The following FOCAD variants were observed in gnomAD, a reference collection of about 807,000 sequenced individuals.
FOCAD encodes focadhesin, also known as KIAA1797.
A neutral mutation model predicts 225.6 loss-of-function variants in FOCAD; 198 were observed. The ratio of observed to expected loss-of-function variants is 0.88; its 90% CI spans 0.78 to 0.99. The LOEUF (loss-of-function observed/expected upper bound fraction) is 0.99. FOCAD is among the 50% of genes least tolerant of loss of function. FOCAD has a pLI of 0.00. For missense variants in FOCAD, 2,713 were observed against 2,123.6 expected (o/e 1.28, Z -5.46); for synonymous variants, 897 against 755.0 (o/e 1.19, Z -3.08).
At chr9:20,887,982 A>G (rs1831248692) in intron 21 of FOCAD, among the ~76,000 whole-genome samples, 1 of 151,222 alleles carries the variant, frequency 6.6e-6, no homozygotes, top group Admixed American at 6.6e-5. Context: ...TTTTGTATGT[A>G]TCTGTTTTCT....
chr9:20,812,282 T>C lies in FOCAD; in HGVS notation c.1456-7514T>C, dbSNP rs979084231. On this transcript the variant is annotated intron_variant, in intron 11 of 43. Coordinates refer to ENST00000338382, the MANE Select transcript of FOCAD (RefSeq NM_001375567.1). The stretch of plus-strand genomic sequence containing the variant: ...TACTAATTTATTACTATATATCTCA[T>C]ATAGTAATAAAGTATGAGCTATCAT... Among the ~76,000 whole-genome samples, 4 of 152,154 alleles carry C rather than the reference T, an allele frequency of 2.6e-5. No homozygotes were observed. The East Asian group carries it at 7.7e-4, about 29-fold the overall frequency.
At chr9:20,864,158 G>T (rs1829031012) in intron 16 of FOCAD, among the ~76,000 whole-genome samples, 2 of 152,046 alleles carry the variant, frequency 1.3e-5, no homozygotes, top group Admixed American at 1.3e-4. Context: ...TCATCTGTGT[G>T]TGTTTAGATA....
At chr9:20,831,915 T>C (rs1207160740) in intron 15 of FOCAD, among the ~76,000 whole-genome samples, 8 of 152,106 alleles carry the variant, frequency 5.3e-5, no homozygotes, top group Admixed American at 5.2e-4. Context: ...TGCATAGATA[T>C]ACCTATTCTG....
intron 6 of FOCAD, among the ~76,000 whole-genome samples, chr9:20,763,286 A>G (rs1301296406): frequency 1.3e-5 from 2 of 152,202 alleles, no homozygotes; most frequent in African/African-American, 2.4e-5. Flanking sequence ...TTTGGTTTAT[A>G]GTCTGGCAGG....
At chr9:20,719,603 C>T (rs755708693) in intron 3 of FOCAD, among the ~76,000 whole-genome samples, 6 of 151,682 alleles carry the variant, frequency 4.0e-5, no homozygotes, top group Non-Finnish European at 7.4e-5. Flanking sequence ...TTTGGTGGTC[C>T]TGGATTCCTG....
At chr9:20,788,799 G>C (rs569772654) in intron 10 of FOCAD, among the ~76,000 whole-genome samples, 4 of 152,134 alleles carry the variant, frequency 2.6e-5, no homozygotes, top group South Asian at 2.1e-4. Flanking sequence ...TATTGTTTCA[G>C]CTTAGAGCTG....
intron 23 of FOCAD, among the ~76,000 whole-genome samples, 180 bp from the exon 24 acceptor site, chr9:20,916,713 A>G (rs537142198): frequency 6.6e-6 from 1 of 152,210 alleles, no homozygotes; most frequent in African/African-American, 2.4e-5. Context: ...GAACAGGAAG[A>G]TGAAGCTATC....
intron 8 of FOCAD, among the ~76,000 whole-genome samples, chr9:20,774,421 A>G (rs756895559): frequency 2.6e-4 from 39 of 152,152 alleles, no homozygotes; most frequent in Non-Finnish European, 4.6e-4. Context: ...CAGAGTGGTA[A>G]TGTTCTAATC....
In FOCAD at chr9:20,948,835, G is replaced by C; in HGVS notation, c.3799-16G>C. The stretch of plus-strand genomic sequence containing the variant: ...GACTGATTCCCTCTTTTCATATTCT[G>C]ATGCTTTGTTTTCAGGGCACTCCCA... On this transcript the variant is annotated splice_polypyrimidine_tract_variant and intron_variant, in intron 31 of 43. Transcript: ENST00000338382. 2 of 1,612,898 alleles carry C rather than the reference G, an allele frequency of 1.2e-6. No homozygotes were observed. Among genetic ancestry groups the C allele is most frequent in the Non-Finnish European group, 1.7e-6 (2 of 1,179,160 alleles).
At chr9:20,956,542 T>G (rs1789331402) in intron 35 of FOCAD, among the ~76,000 whole-genome samples, 1 of 152,202 alleles carries the variant, frequency 6.6e-6, no homozygotes, top group African/African-American at 2.4e-5. Context: ...TATATTATTT[T>G]ATTGTCCTAT....
chr9:20,796,504 A>G (rs537039633), intron 11 of FOCAD, among the ~76,000 whole-genome samples: 4 of 152,330 alleles, frequency 2.6e-5, no homozygotes, highest in Admixed American at 2.6e-4. Flanking sequence ...AATGATCGCC[A>G]TTCTAACCAG....
intron 28 of FOCAD, among the ~76,000 whole-genome samples, chr9:20,933,395 A>G (rs542867229): frequency 2.0e-4 from 31 of 152,218 alleles, no homozygotes; most frequent in African/African-American, 6.7e-4. Context: ...GTGATTCTTA[A>G]GCCTTTGTAT....
In FOCAD at chr9:20,781,932, A is replaced by G. The variant is rs752036330; in HGVS notation, c.1197+3A>G. 3 of 1,612,736 alleles carry G rather than the reference A, an allele frequency of 1.9e-6. No homozygotes were observed. The highest frequency in any genetic ancestry group is 4.5e-5 in the East Asian group (2 of 44,836). ...GTTACAGAGATGACCACCAAAAGGTAATGAATCTATCCTTGTTTCTCTTAA... is the reference window on the plus strand; with the variant it reads ...GTTACAGAGATGACCACCAAAAGGTGATGAATCTATCCTTGTTTCTCTTAA... On this transcript the variant is annotated splice_donor_region_variant and intron_variant, in intron 10 of 43. Coordinates refer to ENST00000338382, the MANE Select transcript of FOCAD (RefSeq NM_001375567.1).
intron 41 of FOCAD, among the ~76,000 whole-genome samples, chr9:20,989,609 A>G (rs1841475946): frequency 6.6e-6 from 1 of 152,194 alleles, no homozygotes; most frequent in African/African-American, 2.4e-5. Context: ...TCTTGTGCTC[A>G]AGAGTTCAAG....
chr9:20,771,837 G>A (rs188324796), intron 8 of FOCAD, among the ~76,000 whole-genome samples: 1 of 152,182 alleles, frequency 6.6e-6, no homozygotes, highest in East Asian at 1.9e-4. Context: ...GGCTGATTCT[G>A]TTCTTGATGA....
intron 3 of FOCAD, among the ~76,000 whole-genome samples, chr9:20,720,164 C>G (rs746874228): frequency 2.6e-5 from 4 of 152,066 alleles, no homozygotes; most frequent in Non-Finnish European, 5.9e-5. Context: ...AGCCATGATA[C>G]CAGGTGAGAG....
intron 21 of FOCAD, among the ~76,000 whole-genome samples, chr9:20,886,283 G>A (rs1162860490): frequency 3.9e-5 from 6 of 152,096 alleles, no homozygotes; most frequent in Non-Finnish European, 7.4e-5. Flanking sequence ...GAAGAGCAAC[G>A]CTTTTCTAGG....
chr9:20,747,629 A>G (rs1389594566), intron 5 of FOCAD, among the ~76,000 whole-genome samples: 4 of 151,994 alleles, frequency 2.6e-5, no homozygotes, highest in Non-Finnish European at 4.4e-5. Flanking sequence ...GGAAAACACT[A>G]CTATTTGTGT....
chr9:20,717,561 T>A (rs888294369), intron 2 of FOCAD, among the ~76,000 whole-genome samples: 1 of 152,222 alleles, frequency 6.6e-6, no homozygotes, highest in Non-Finnish European at 1.5e-5. Flanking sequence ...CTCTATGCAC[T>A]ATAGTTGCTT....
Sources: gnomAD v4.1 joint callset for allele counts (sites outside exome capture counted in the v4.1 genomes callset) on GRCh38, gnomAD v4.1.1 for gene constraint, MANE v1.5 for transcripts, NCBI Gene and HGNC (gene_info 2026-07-23, HGNC 2026-07-21) for gene names.